Variants in CYRIB observed in about 807,000 individuals in gnomAD.
The protein encoded by CYRIB is CYFIP-related Rac1 interactor B.
In CYRIB, 8 loss-of-function variants were observed where a neutral mutation model predicts 44.2. The ratio of observed to expected loss-of-function variants is 0.18; its 90% CI spans 0.11 to 0.33. The LOEUF (loss-of-function observed/expected upper bound fraction) is 0.33, where lower values mean the gene tolerates loss of function less well. Ranked by LOEUF, CYRIB falls within the 10% of genes least tolerant of loss-of-function variation. The pLI is 1.00. For synonymous variants in CYRIB, 131 were observed against 127.2 expected, an observed-to-expected ratio of 1.03 and a Z score of -0.20; for missense variants, 185 against 382.8, an observed-to-expected ratio of 0.48 and a Z score of 4.31.
At chr8:129,870,124 A>C (rs891211499) in intron 4 of CYRIB, among the ~76,000 whole-genome samples, 11 of 152,158 alleles carry the variant, frequency 7.2e-5, no homozygotes, top group African/African-American at 2.4e-4. Context: ...AAATAAAAAC[A>C]AGGGCCAGGC....
intron 1 of CYRIB, among the ~76,000 whole-genome samples, chr8:129,911,611 C>T (rs1269356807): frequency 6.6e-6 from 1 of 151,984 alleles, no homozygotes; most frequent in Non-Finnish European, 1.5e-5. Flanking sequence ...ACCAGCCTGA[C>T]CAACATGGTG....
chr8:129,868,360 T>C (rs927350670), intron 4 of CYRIB, among the ~76,000 whole-genome samples: 3 of 152,206 alleles, frequency 2.0e-5, no homozygotes, highest in Non-Finnish European at 2.9e-5. Context: ...TCAATGCCTA[T>C]TTCTCTTTTA....
intron 2 of CYRIB, among the ~76,000 whole-genome samples, chr8:129,964,822 T>C (rs1342919369): frequency 6.6e-6 from 1 of 152,180 alleles, no homozygotes; most frequent in Non-Finnish European, 1.5e-5. Flanking sequence ...GCCGTGATCG[T>C]GCCACTGCAC....
intron 4 of CYRIB, among the ~76,000 whole-genome samples, chr8:129,866,690 A>G (rs2053817146): frequency 6.6e-6 from 1 of 152,250 alleles, no homozygotes; most frequent in African/African-American, 2.4e-5. Context: ...ATGCTTTTCT[A>G]AATATCAATT....
intron 1 of CYRIB, among the ~76,000 whole-genome samples, chr8:129,933,575 T>C (rs1314963070): frequency 6.6e-6 from 1 of 152,136 alleles, no homozygotes; most frequent in Non-Finnish European, 1.5e-5. Context: ...TACATCATAA[T>C]GTATAGTAAG....
chr8:129,879,580 T>G, intron 2 of CYRIB, 109 bp from the exon 5 acceptor site: 2 of 793,296 alleles, frequency 2.5e-6, no homozygotes, highest in Non-Finnish European at 2.0e-6. Context: ...AGGCCATGAA[T>G]TCATTCTTCA....
At chr8:129,911,662 G>C (rs2078106615) in intron 1 of CYRIB, among the ~76,000 whole-genome samples, 2 of 151,664 alleles carry the variant, frequency 1.3e-5, no homozygotes, top group Admixed American at 1.3e-4. Flanking sequence ...TAGCCCGACT[G>C]TGGTGGTGTG....
chr8:129,949,636 G>A (rs771431850), intron 2 of CYRIB, among the ~76,000 whole-genome samples: 16 of 152,022 alleles, frequency 1.1e-4, no homozygotes, highest in Non-Finnish European at 1.9e-4. Flanking sequence ...GGGAGGCCGA[G>A]GTGGGCAGAT....
intron 2 of CYRIB, among the ~76,000 whole-genome samples, chr8:129,884,591 T>C (rs1056048958): frequency 1.3e-5 from 2 of 152,116 alleles, no homozygotes; most frequent in Non-Finnish European, 2.9e-5. Context: ...CCCGGCCGGA[T>C]TTAAGATTTT....
chr8:129,925,145 C>T (rs1589970928), intron 1 of CYRIB, among the ~76,000 whole-genome samples: 1 of 152,252 alleles, frequency 6.6e-6, no homozygotes, highest in East Asian at 1.9e-4. Flanking sequence ...TAGCTGTAAT[C>T]CCAGCACTTT....
rs779314789 is a variant in CYRIB, at chr8:129,867,213, ACCCAG to A, written c.195+4157_195+4161del. 1.7e-3 allele frequency among the ~76,000 whole-genome samples: 262 copies of A among 151,060 alleles called. 1 individual carries two copies. The highest frequency in any genetic ancestry group is 3.1e-3 in the Non-Finnish European group (211 of 67,894). On this transcript the variant is annotated intron_variant, in intron 4 of 11. Transcript: ENST00000519824. Reference sequence around the variant, plus strand: ...ATCTCAGCTCACTGTAACCTCCACCACCCAGGTACAAGTGATTCTCTTGTCTCAGA... The same window carrying A: ...ATCTCAGCTCACTGTAACCTCCACCAGTACAAGTGATTCTCTTGTCTCAGA...
intron 2 of CYRIB, among the ~76,000 whole-genome samples, chr8:129,888,910 T>C (rs1242976349): frequency 2.0e-5 from 3 of 152,082 alleles, no homozygotes; most frequent in Admixed American, 6.5e-5. Context: ...CTGGCCAACA[T>C]GGTGAAACCC....
chr8:129,989,547 G>A (rs1202370749), intron 1 of CYRIB, among the ~76,000 whole-genome samples: 1 of 151,986 alleles, frequency 6.6e-6, no homozygotes, highest in Admixed American at 6.6e-5. Flanking sequence ...GGCCAGAGGG[G>A]GTCCTCATGA....
At chr8:129,854,272 A>G in exon 7 of CYRIB, 2 of 1,606,510 alleles carry the variant, frequency 1.2e-6, no homozygotes, top group Non-Finnish European at 1.7e-6. Flanking sequence ...TTACCGGTAC[A>G]TTGTTAATCC....
chr8:129,890,120 T>C (rs1301576218), intron 2 of CYRIB, among the ~76,000 whole-genome samples: 1 of 152,228 alleles, frequency 6.6e-6, no homozygotes, highest in Non-Finnish European at 1.5e-5. Flanking sequence ...AGATGTTGTT[T>C]AGACTGTTAA....
At chr8:129,924,931 A>G (rs1487826447) in intron 1 of CYRIB, among the ~76,000 whole-genome samples, 1 of 152,200 alleles carries the variant, frequency 6.6e-6, no homozygotes, top group Non-Finnish European at 1.5e-5. Context: ...TGACTGAAAG[A>G]TCTTTAGTAT....
intron 1 of CYRIB, among the ~76,000 whole-genome samples, chr8:129,916,775 A>G (rs1437829876): frequency 6.6e-6 from 1 of 152,232 alleles, no homozygotes; most frequent in Non-Finnish European, 1.5e-5. Flanking sequence ...CTGAGGGAAG[A>G]TAAAATTTGT....
At chr8:129,910,992 CTATT>C (rs2077715757) in intron 1 of CYRIB, among the ~76,000 whole-genome samples, 1 of 152,170 alleles carries the variant, frequency 6.6e-6, no homozygotes, top group African/African-American at 2.4e-5. Flanking sequence ...CTGAGGCCAG[CTATT>C]TTTTCCTCCA....
chr8:129,921,791 A>G (rs374783263), intron 1 of CYRIB, among the ~76,000 whole-genome samples: 7 of 152,326 alleles, frequency 4.6e-5, no homozygotes, highest in African/African-American at 1.7e-4. Flanking sequence ...AAAGCAGACA[A>G]ATCTTGATTA....
Sources: gnomAD v4.1 joint callset for allele counts (sites outside exome capture counted in the v4.1 genomes callset) on GRCh38, gnomAD v4.1.1 for gene constraint, MANE v1.5 for transcripts, NCBI Gene and HGNC (gene_info 2026-07-23, HGNC 2026-07-21) for gene names.